Variants in FOXP2 observed in about 807,000 individuals in gnomAD.
FOXP2 encodes the protein forkhead box protein P2.
In FOXP2, 12 loss-of-function variants were observed where a neutral mutation model predicts 115.8. The ratio of observed to expected loss-of-function variants is 0.10; its 90% CI spans 0.07 to 0.17. The LOEUF (loss-of-function observed/expected upper bound fraction) is 0.17, where lower values mean the gene tolerates loss of function less well. Among genes scored for constraint, FOXP2 ranks in the 10% least tolerant of loss-of-function variants. The pLI is 1.00. For missense variants in FOXP2, 629 were observed against 843.5 expected (o/e 0.75, Z 3.15); for synonymous variants, 328 against 297.7 (o/e 1.10, Z -1.05).
In FOXP2 at chr7:114,431,491, G is replaced by A. The variant is rs117756538; in HGVS notation, c.168+4812G>A. ...TGCAAAGAGAGGCATTAGGGAGTAGGTACCTGCAAATTAAGTGGCTGACAC... is the reference window on the plus strand; with the variant it reads ...TGCAAAGAGAGGCATTAGGGAGTAGATACCTGCAAATTAAGTGGCTGACAC... On this transcript the variant is annotated intron_variant, in intron 2 of 16. Coordinates refer to ENST00000350908, the MANE Select transcript of FOXP2 (RefSeq NM_014491.4). Among the ~76,000 whole-genome samples the A allele has an allele frequency of 1.9e-3, 291 of 152,044 alleles. 2 individuals carry two copies. The East Asian group carries it at 0.019, about 10-fold the overall frequency.
chr7:114,315,633 CACAA>C (rs925095820), intron 2 of FOXP2, among the ~76,000 whole-genome samples: 14 of 151,886 alleles, frequency 9.2e-5, no homozygotes, highest in Admixed American at 7.2e-4. Context: ...CACACACACA[CACAA>C]ACAAACATAA....
chr7:114,637,556 T>C (rs1403408156), intron 6 of FOXP2, among the ~76,000 whole-genome samples: 1 of 152,142 alleles, frequency 6.6e-6, no homozygotes, highest in Non-Finnish European at 1.5e-5. Flanking sequence ...TCTTTGAGCT[T>C]TCTGTGACTG....
At chr7:114,277,389 T>G (rs1425866872) in intron 1 of FOXP2, among the ~76,000 whole-genome samples, 1 of 152,158 alleles carries the variant, frequency 6.6e-6, no homozygotes, top group Non-Finnish European at 1.5e-5. Flanking sequence ...TTCAGGGATA[T>G]GCCTTTAACT....
At chr7:114,560,168 C>T (rs967297550) in intron 3 of FOXP2, among the ~76,000 whole-genome samples, 2 of 151,916 alleles carry the variant, frequency 1.3e-5, no homozygotes, top group Non-Finnish European at 2.9e-5. Context: ...ATGCAAACAC[C>T]CATTAATAAA....
intron 1 of FOXP2, among the ~76,000 whole-genome samples, chr7:114,116,465 G>A (rs1791410796): frequency 6.6e-6 from 1 of 152,052 alleles, no homozygotes; most frequent in South Asian, 2.1e-4. Flanking sequence ...AAGAAGATTA[G>A]AATTGTATTA....
At chr7:114,354,075 G>A (rs1321262471) in intron 2 of FOXP2, among the ~76,000 whole-genome samples, 2 of 152,032 alleles carry the variant, frequency 1.3e-5, no homozygotes, top group African/African-American at 4.8e-5. Context: ...AATCATGTTG[G>A]GCATCAGCCA....
At chr7:114,484,393 A>G (rs1363408371) in intron 2 of FOXP2, among the ~76,000 whole-genome samples, 1 of 151,868 alleles carries the variant, frequency 6.6e-6, no homozygotes, top group Non-Finnish European at 1.5e-5. Context: ...GCATGATAAT[A>G]TTGATGTTAC....
intron 3 of FOXP2, among the ~76,000 whole-genome samples, chr7:114,571,761 G>A (rs1801315876): frequency 6.6e-6 from 1 of 151,832 alleles, no homozygotes; most frequent in Admixed American, 6.6e-5. Flanking sequence ...AGGAGGATGT[G>A]CATAGGTTAT....
rs1158501392 is a variant in FOXP2 at position 114,338,037 on chromosome 7, A to G, written c.-11+49928A>G. Among the ~76,000 whole-genome samples, 4 of 151,342 alleles carry G rather than the reference A, an allele frequency of 2.6e-5. 1 individual carries two copies. In the South Asian group the frequency reaches 6.2e-4, roughly 24 times the overall value. ...ACTTCTATTTTTAATTGGAATATGT[A>G]GAGGCCTATTATATATTTTGAGTGT... On this transcript the variant is annotated intron_variant, in intron 2 of 17. Coordinates refer to the FOXP2 transcript ENST00000634411.
At chr7:114,374,788 G>A (rs1475880135) in intron 2 of FOXP2, among the ~76,000 whole-genome samples, 1 of 152,188 alleles carries the variant, frequency 6.6e-6, no homozygotes, top group Non-Finnish European at 1.5e-5. Flanking sequence ...TGAGTGGCCT[G>A]TAAATAGCTT....
At chr7:114,135,914 T>G (rs1173391505) in intron 1 of FOXP2, among the ~76,000 whole-genome samples, 2 of 152,146 alleles carry the variant, frequency 1.3e-5, no homozygotes, top group African/African-American at 2.4e-5. Context: ...TACTACCGTA[T>G]GTATTTAATA....
chr7:114,469,311 A>G (rs1278259717), intron 2 of FOXP2, among the ~76,000 whole-genome samples: 2 of 152,190 alleles, frequency 1.3e-5, no homozygotes, highest in Non-Finnish European at 2.9e-5. Context: ...ATATTACACC[A>G]TGATATATGA....
intron 9 of FOXP2, among the ~76,000 whole-genome samples, chr7:114,652,973 CTT>C (rs1806360150): frequency 6.6e-6 from 1 of 152,116 alleles, no homozygotes; most frequent in Non-Finnish European, 1.5e-5. Flanking sequence ...AAGTCTGACT[CTT>C]GTTATGTTTT....
Position 114,656,148 on chromosome 7 carries a change from C to A in FOXP2, c.1267-1918C>A, listed in dbSNP as rs1806575720. On this transcript the variant is annotated intron_variant, in intron 10 of 16. Transcript: ENST00000350908. ...TTGCATTGAAAAAGATGTATTTCTC[C>A]TGTTTTGATAACTTTTAATGTGTTG... 2.0e-5 allele frequency among the ~76,000 whole-genome samples: 3 copies of A among 152,222 alleles called. No individual in the cohort carries two copies. In the South Asian group the frequency reaches 6.2e-4, roughly 32 times the overall value.
chr7:114,283,232 G>A (rs1473797140), intron 1 of FOXP2, among the ~76,000 whole-genome samples: 1 of 152,082 alleles, frequency 6.6e-6, no homozygotes, highest in Non-Finnish European at 1.5e-5. Flanking sequence ...ATAATCCTTA[G>A]TTCTCACCAT....
chr7:114,629,472 T>G, intron 4 of FOXP2: 1 of 842,228 alleles, frequency 1.2e-6, no homozygotes, highest in African/African-American at 1.7e-5. Flanking sequence ...TTTTTATTCT[T>G]ACAACTGGTA....
intron 2 of FOXP2, among the ~76,000 whole-genome samples, chr7:114,328,028 C>A (rs1284587600): frequency 6.6e-6 from 1 of 151,410 alleles, no homozygotes; most frequent in African/African-American, 2.4e-5. Context: ...TCCATCAATC[C>A]CCCCACCTCA....
chr7:114,202,840 A>C (rs576959181), intron 1 of FOXP2, among the ~76,000 whole-genome samples: 1 of 152,264 alleles, frequency 6.6e-6, no homozygotes, highest in East Asian at 1.9e-4. Context: ...GAACTCAATA[A>C]ATTTTATCTG....
In FOXP2 at chr7:114,429,230, T is replaced by A. The variant is rs189523652; in HGVS notation, c.168+2551T>A. ...GATAGGTGAAGTGAAAAAGGATTGA[T>A]AAACTGTAACTAGCATTTATTTCTA... On this transcript the variant is annotated intron_variant, in intron 2 of 16. Coordinates refer to ENST00000350908, the MANE Select transcript of FOXP2 (RefSeq NM_014491.4). Among the ~76,000 whole-genome samples, 602 of 151,588 alleles carry A rather than the reference T, an allele frequency of 4.0e-3. 3 individuals carry two copies. Among genetic ancestry groups the A allele is most frequent in the South Asian group, 0.018 (88 of 4,826 alleles).
Sources: gnomAD v4.1 joint callset for allele counts (sites outside exome capture counted in the v4.1 genomes callset) on GRCh38, gnomAD v4.1.1 for gene constraint, MANE v1.5 for transcripts, NCBI Gene and HGNC (gene_info 2026-07-23, HGNC 2026-07-21) for gene names.